The following ROBO2 variants were observed in gnomAD, a reference collection of about 807,000 sequenced individuals.
ROBO2 encodes the protein roundabout homolog 2.
Under a neutral mutation model 160.8 loss-of-function variants are expected in ROBO2, and 53 were observed. The observed-to-expected ratio is 0.33, with a 90% CI of 0.26 to 0.41. ROBO2 has a LOEUF of 0.41. Among genes scored for constraint, ROBO2 ranks in the 10% least tolerant of loss-of-function variants. ROBO2 has a pLI of 1.00. For synonymous variants in ROBO2, 664 were observed against 611.7 expected (o/e 1.09, Z -1.26); for missense variants, 1,577 against 1,722.4 (o/e 0.92, Z 1.49).
intron 2 of ROBO2, among the ~76,000 whole-genome samples, chr3:76,091,165 C>A (rs2069215709): frequency 6.6e-6 from 1 of 152,098 alleles, no homozygotes; most frequent in African/African-American, 2.4e-5. Context: ...AAGCTGCCAA[C>A]TGAGAATGAA....
intron 2 of ROBO2, among the ~76,000 whole-genome samples, chr3:77,441,017 C>T (rs545613856): frequency 2.0e-5 from 3 of 151,962 alleles, no homozygotes; most frequent in Non-Finnish European, 2.9e-5. Flanking sequence ...TTCTTTCTGT[C>T]GAAGATTTCC....
At chr3:76,867,237 C>T (rs1397315669) in intron 2 of ROBO2, among the ~76,000 whole-genome samples, 1 of 152,104 alleles carries the variant, frequency 6.6e-6, no homozygotes, top group Non-Finnish European at 1.5e-5. Context: ...CAGTGAAAAA[C>T]TTGTCATTCG....
At chr3:76,895,385 G>A (rs1431919976) in intron 2 of ROBO2, among the ~76,000 whole-genome samples, 1 of 151,812 alleles carries the variant, frequency 6.6e-6, no homozygotes, top group Non-Finnish European at 1.5e-5. Flanking sequence ...TCACACAGAG[G>A]CCAGAACATT....
intron 2 of ROBO2, among the ~76,000 whole-genome samples, chr3:76,049,403 A>ATATATATATATATATATTTTTTTTTT (rs1414664360): frequency 1.9e-5 from 1 of 53,752 alleles, no homozygotes; most frequent in Admixed American, 2.8e-4. Flanking sequence ...ATATATATAT[A>ATATATATATATATATATTTTTTTTTT]TTTTTTTTTT....
rs373670555 is a variant in ROBO2 at position 76,606,059 on chromosome 3, A to C, written c.110-491955A>C. ...GATGTATTGTATACATGCTCTATAA[A>C]TTTTGTGCCTTATGGTAAATTGTAG... On this transcript the variant is annotated intron_variant, in intron 2 of 26. Transcript: ENST00000487694. Among the ~76,000 whole-genome samples the C allele has an allele frequency of 3.4e-4, 52 of 152,176 alleles. 1 individual carries two copies. In the East Asian group the frequency reaches 4.1e-3, roughly 12 times the overall value.
At chr3:76,008,107 A>G (rs1052631589) in intron 2 of ROBO2, among the ~76,000 whole-genome samples, 1 of 151,616 alleles carries the variant, frequency 6.6e-6, no homozygotes. Context: ...GGTAGTGGAT[A>G]CCTTTAGTCA....
At chr3:76,576,667 G>A (rs981681902) in intron 2 of ROBO2, among the ~76,000 whole-genome samples, 1 of 80,598 alleles carries the variant, frequency 1.2e-5, no homozygotes, top group African/African-American at 4.4e-5. Flanking sequence ...TTTGTGTTTT[G>A]TTTATTATTT....
chr3:75,980,963 G>A (rs959981134), intron 2 of ROBO2, among the ~76,000 whole-genome samples: 7 of 151,508 alleles, frequency 4.6e-5, no homozygotes, highest in African/African-American at 1.7e-4. Context: ...TTTTTACCAT[G>A]TGAAGTATTC....
chr3:76,424,500 C>G (rs1368728408), intron 2 of ROBO2, among the ~76,000 whole-genome samples: 1 of 152,022 alleles, frequency 6.6e-6, no homozygotes, highest in East Asian at 1.9e-4. Context: ...CTGCCAGGAG[C>G]TGGGGGCAGG....
At chr3:76,971,639 AT>A (rs1267407305) in intron 2 of ROBO2, among the ~76,000 whole-genome samples, 4 of 152,176 alleles carry the variant, frequency 2.6e-5, no homozygotes, top group Non-Finnish European at 4.4e-5. Flanking sequence ...GTGTGTGTTG[AT>A]TGCTTTAGAC....
At chr3:77,009,845 C>T (rs949939770) in intron 2 of ROBO2, among the ~76,000 whole-genome samples, 2 of 148,480 alleles carry the variant, frequency 1.3e-5, no homozygotes, top group African/African-American at 2.5e-5. Context: ...ACTTGGGAGG[C>T]AGAGGCAGGA....
chr3:76,555,407 A>AGAAGAAGAAGAAGAAGAAGAG (rs2083692165), intron 2 of ROBO2, among the ~76,000 whole-genome samples: 1 of 74,774 alleles, frequency 1.3e-5, no homozygotes, highest in African/African-American at 2.8e-5. Context: ...AAGAAGAAGA[A>AGAAGAAGAAGAAGAAGAAGAG]GAAGAAGAAG....
At chr3:76,937,271 T>A (rs1334846783) in intron 2 of ROBO2, among the ~76,000 whole-genome samples, 1 of 152,202 alleles carries the variant, frequency 6.6e-6, no homozygotes, top group Non-Finnish European at 1.5e-5. Flanking sequence ...ATGTGCCAGA[T>A]CTGTGGCATG....
chr3:76,628,433 G>GT (rs10670772), intron 2 of ROBO2, among the ~76,000 whole-genome samples: 5,082 of 135,344 alleles, frequency 0.038, 125 homozygotes, highest in Middle Eastern at 0.089. Context: ...TAATTTTTAG[G>GT]TTTTTTTTTT....
Position 76,983,371 on chromosome 3 carries a change from A to G in ROBO2, c.110-114643A>G, listed in dbSNP as rs971366652. On this transcript the variant is annotated intron_variant, in intron 2 of 26. Coordinates refer to the ROBO2 transcript ENST00000487694. The stretch of plus-strand genomic sequence containing the variant: ...GTTCAACAATTGACAAATTTTTTCA[A>G]AGATTTGAAAGGCATATGTTGCTTT... Among the ~76,000 whole-genome samples, 5 of 152,310 alleles carry G rather than the reference A, an allele frequency of 3.3e-5. No individual in the cohort carries two copies. The East Asian group carries it at 5.8e-4, about 18-fold the overall frequency.
chr3:77,296,081 G>GGC (rs1381542190), intron 2 of ROBO2, among the ~76,000 whole-genome samples: 18 of 151,354 alleles, frequency 1.2e-4, no homozygotes, highest in East Asian at 2.0e-4. Context: ...GATCACCCCA[G>GGC]ATATGAAGTA....
At chr3:77,435,124 G>A (rs1047069767) in intron 2 of ROBO2, among the ~76,000 whole-genome samples, 2 of 151,844 alleles carry the variant, frequency 1.3e-5, no homozygotes, top group Non-Finnish European at 2.9e-5. Context: ...CATTGCATAA[G>A]CATAAAAGTT....
At chr3:77,370,553 T>C (rs556692422) in intron 2 of ROBO2, among the ~76,000 whole-genome samples, 33 of 152,322 alleles carry the variant, frequency 2.2e-4, no homozygotes, top group Admixed American at 1.1e-3. Context: ...TCCAGTGGGC[T>C]GATTCCAATT....
At chr3:76,110,043 A>G (rs1284559079) in intron 2 of ROBO2, among the ~76,000 whole-genome samples, 1 of 151,222 alleles carries the variant, frequency 6.6e-6, no homozygotes. Flanking sequence ...GTGTGTGTAT[A>G]TATATATATG....
Sources: gnomAD v4.1 joint callset for allele counts (sites outside exome capture counted in the v4.1 genomes callset) on GRCh38, gnomAD v4.1.1 for gene constraint, MANE v1.5 for transcripts, NCBI Gene and HGNC (gene_info 2026-07-23, HGNC 2026-07-21) for gene names.